KLHL20: variants seen among roughly 807,000 people sequenced by gnomAD.
KLHL20 encodes kelch like family member 20.
KLHL20 carries 29 observed loss-of-function variants against 69.5 expected under a neutral mutation model. The ratio of observed to expected loss-of-function variants is 0.42; its 90% CI spans 0.31 to 0.57. The LOEUF (loss-of-function observed/expected upper bound fraction) is 0.57, where lower values mean the gene tolerates loss of function less well. KLHL20 is among the 20% of genes least tolerant of loss of function. KLHL20 has a pLI of 0.18. For synonymous variants in KLHL20, 253 were observed against 265.2 expected (o/e 0.95, Z 0.45); for missense variants, 419 against 776.0 (o/e 0.54, Z 5.47).
intron 10 of KLHL20, among the ~76,000 whole-genome samples, chr1:173,779,927 A>T (rs991565050): frequency 7.2e-5 from 11 of 152,182 alleles, no homozygotes; most frequent in Non-Finnish European, 2.9e-5. Context: ...GTAACTCAAG[A>T]GACTTCTGGG....
chr1:173,768,319 A>C (rs1325886379), intron 8 of KLHL20, among the ~76,000 whole-genome samples: 1 of 152,198 alleles, frequency 6.6e-6, no homozygotes, highest in Non-Finnish European at 1.5e-5. Flanking sequence ...ATTAGATTTT[A>C]GAGTCTCATG....
intron 3 of KLHL20, among the ~76,000 whole-genome samples, chr1:173,743,226 C>G (rs1007325014): frequency 1.3e-5 from 2 of 151,484 alleles, no homozygotes; most frequent in Non-Finnish European, 2.9e-5. Context: ...CTTTTTTAGC[C>G]TTATATTGGA....
intron 7 of KLHL20, 122 bp from the exon 8 acceptor site, chr1:173,766,024 T>G (rs1313868501): frequency 4.3e-6 from 3 of 699,590 alleles, no homozygotes; most frequent in Admixed American, 3.5e-5. Context: ...TTGGTTATTA[T>G]TAATCAGCCC....
intron 8 of KLHL20, among the ~76,000 whole-genome samples, chr1:173,766,537 G>A (rs938519985): frequency 2.0e-5 from 3 of 151,504 alleles, no homozygotes; most frequent in Non-Finnish European, 4.4e-5. Flanking sequence ...AGCTACTTGT[G>A]GGGCTGAGGT....
intron 5 of KLHL20, among the ~76,000 whole-genome samples, chr1:173,755,037 A>G (rs1278789118): frequency 6.7e-6 from 1 of 150,296 alleles, no homozygotes; most frequent in Non-Finnish European, 1.5e-5. Context: ...CTAACAAGCT[A>G]TTAGGAGATC....
intron 7 of KLHL20, among the ~76,000 whole-genome samples, chr1:173,758,626 G>GT (rs1376693630): frequency 6.6e-6 from 1 of 152,216 alleles, no homozygotes; most frequent in African/African-American, 2.4e-5. Context: ...CTGAAGGTCT[G>GT]TTTGCAGGAG....
intron 2 of KLHL20, among the ~76,000 whole-genome samples, chr1:173,727,422 A>G (rs1024569336): frequency 1.4e-4 from 22 of 152,194 alleles, no homozygotes; most frequent in Non-Finnish European, 2.5e-4. Context: ...ACTCCTTGAG[A>G]AGAGCAACTC....
At chr1:173,778,051 T>C (rs1028830051) in intron 10 of KLHL20, among the ~76,000 whole-genome samples, 1 of 152,198 alleles carries the variant, frequency 6.6e-6, no homozygotes, top group African/African-American at 2.4e-5. Flanking sequence ...GGCTTTTCTT[T>C]GCCGGAAGAT....
intron 2 of KLHL20, 111 bp from the exon 3 acceptor site, chr1:173,733,602 A>C (rs2102471439): frequency 9.9e-7 from 1 of 1,007,742 alleles, no homozygotes; most frequent in Non-Finnish European, 1.5e-6. Context: ...TTAAAAAAAA[A>C]ATCACCAAGC....
intron 2 of KLHL20, among the ~76,000 whole-genome samples, chr1:173,716,894 T>G (rs1671489775): frequency 6.6e-6 from 1 of 152,234 alleles, no homozygotes; most frequent in South Asian, 2.1e-4. Context: ...TCCAAATCTG[T>G]TATTGGTTTA....
At chr1:173,736,217 G>A (rs1048785730) in intron 3 of KLHL20, among the ~76,000 whole-genome samples, 26 of 152,046 alleles carry the variant, frequency 1.7e-4, no homozygotes, top group South Asian at 4.1e-4. Flanking sequence ...GCCTACCAAA[G>A]TGCTGGGATT....
Position 173,774,338 on chromosome 1 carries a change from A to C in KLHL20, c.1329A>C (p.Val443=). The C allele has an allele frequency of 6.2e-7, 1 of 1,614,150 alleles. No homozygotes were observed. Among genetic ancestry groups the C allele is most frequent in the Non-Finnish European group, 8.5e-7 (1 of 1,180,000 alleles). Residue 443 remains valine (V), a synonymous_variant, in exon 9 of 12, where the codon GTA becomes GTC. Coordinates refer to ENST00000209884, the MANE Select transcript of KLHL20 (RefSeq NM_014458.4). ...YDPKENKWTR[V]ASMSTRRLGV... is the part of the protein sequence containing the mutation. ...CGAAGGAGAACAAGTGGACTCGGGT[A>C]GCTTCTATGAGTACCAGAAGACTAG...
At chr1:173,760,789 C>T (rs115216133) in intron 7 of KLHL20, among the ~76,000 whole-genome samples, 9,289 of 152,112 alleles carry the variant, frequency 0.061, 1,003 homozygotes, top group African/African-American at 0.21. Flanking sequence ...CACACAGTAC[C>T]CATAATGCAA....
intron 7 of KLHL20, among the ~76,000 whole-genome samples, chr1:173,764,215 C>A (rs949380115): frequency 6.6e-6 from 1 of 152,116 alleles, no homozygotes; most frequent in African/African-American, 2.4e-5. Flanking sequence ...ATAAAAAAAT[C>A]AAAAACCAGT....
chr1:173,718,429 T>C (rs747107195), intron 2 of KLHL20, among the ~76,000 whole-genome samples: 23 of 151,666 alleles, frequency 1.5e-4, no homozygotes, highest in Non-Finnish European at 3.4e-4. Flanking sequence ...CCTGAAGTTC[T>C]AGCTACTCAG....
intron 11 of KLHL20, 24 bp from the exon 12 acceptor site, chr1:173,785,139 A>G: frequency 6.3e-7 from 1 of 1,593,764 alleles, no homozygotes. Flanking sequence ...GTTAGAAAAT[A>G]TGATTATGTT....
At chr1:173,719,813 T>C (rs1345448281) in intron 2 of KLHL20, among the ~76,000 whole-genome samples, 1 of 152,252 alleles carries the variant, frequency 6.6e-6, no homozygotes, top group East Asian at 1.9e-4. Context: ...TATTTTGTAA[T>C]TAATTCTTCC....
At chr1:173,758,800 G>C (rs1021036194) in intron 7 of KLHL20, among the ~76,000 whole-genome samples, 3 of 152,182 alleles carry the variant, frequency 2.0e-5, no homozygotes, top group Admixed American at 2.0e-4. Context: ...GAGGAGCAGG[G>C]GATAAAACTC....
intron 3 of KLHL20, among the ~76,000 whole-genome samples, chr1:173,746,920 T>G (rs1279088375): frequency 7.0e-6 from 1 of 142,946 alleles, no homozygotes; most frequent in African/African-American, 2.5e-5. Context: ...TCTTTAGTGC[T>G]TCATTATCAT....
Sources: gnomAD v4.1 joint callset for allele counts (sites outside exome capture counted in the v4.1 genomes callset) on GRCh38, gnomAD v4.1.1 for gene constraint, MANE v1.5 for transcripts, NCBI Gene and HGNC (gene_info 2026-07-23, HGNC 2026-07-21) for gene names.